GHR: variants seen among roughly 807,000 people sequenced by gnomAD.
The protein encoded by GHR is growth hormone receptor, also known as GH receptor.
In GHR, 35 loss-of-function variants were observed where a neutral mutation model predicts 67.1. The ratio of observed to expected loss-of-function variants is 0.52; its 90% CI spans 0.40 to 0.69. GHR has a LOEUF of 0.69. Ranked by LOEUF, GHR falls within the 30% of genes least tolerant of loss-of-function variation. GHR has a pLI of 0.00. For missense variants in GHR, 792 were observed against 764.6 expected (o/e 1.04, Z -0.42); for synonymous variants, 272 against 269.1 (o/e 1.01, Z -0.10).
intron 1 of GHR, among the ~76,000 whole-genome samples, chr5:42,540,279 A>G (rs1246437188): frequency 6.6e-6 from 1 of 150,922 alleles, no homozygotes; most frequent in Non-Finnish European, 1.5e-5. Context: ...ATTTTGGTAA[A>G]TTTGCTTTTT....
chr5:42,696,372 T>C (rs1757673746), intron 5 of GHR, among the ~76,000 whole-genome samples: 1 of 152,218 alleles, frequency 6.6e-6, no homozygotes, highest in Non-Finnish European at 1.5e-5. Context: ...CGTGAATGAC[T>C]GACAGGCCTG....
At chr5:42,475,952 T>G (rs1579774367) in intron 1 of GHR, among the ~76,000 whole-genome samples, 1 of 148,308 alleles carries the variant, frequency 6.7e-6, no homozygotes, top group Admixed American at 6.8e-5. Flanking sequence ...GTCACCAGGC[T>G]GGAGTGCAGT....
At chr5:42,557,486 C>G (rs1014787139) in intron 1 of GHR, among the ~76,000 whole-genome samples, 1 of 152,150 alleles carries the variant, frequency 6.6e-6, no homozygotes, top group Non-Finnish European at 1.5e-5. Flanking sequence ...AGTGTAATAA[C>G]TAACCCTTTT....
At chr5:42,426,122 CAG>C (rs1352856118) in intron 1 of GHR, among the ~76,000 whole-genome samples, 2 of 152,186 alleles carry the variant, frequency 1.3e-5, no homozygotes, top group Non-Finnish European at 2.9e-5. Context: ...CCTGCTTAAA[CAG>C]ATGTTTACAG....
At chr5:42,600,088 G>A (rs1752293044) in intron 2 of GHR, among the ~76,000 whole-genome samples, 1 of 152,206 alleles carries the variant, frequency 6.6e-6, no homozygotes, top group African/African-American at 2.4e-5. Flanking sequence ...ATGGAAAGGT[G>A]CAGAAAGTTC....
chr5:42,464,055 C>CA (rs71608649), intron 1 of GHR, among the ~76,000 whole-genome samples: 27,099 of 123,750 alleles, frequency 0.22, 3,078 homozygotes, highest in African/African-American at 0.28. Flanking sequence ...TTGATATTAC[C>CA]AAAAAAAAAA....
intron 1 of GHR, among the ~76,000 whole-genome samples, chr5:42,482,419 T>G (rs2940937): frequency 0.47 from 70,916 of 151,992 alleles, 17,091 homozygotes; most frequent in Middle Eastern, 0.53. Flanking sequence ...GTCAGACAGG[T>G]ACATTTAAGT....
intron 1 of GHR, among the ~76,000 whole-genome samples, chr5:42,495,399 GT>G (rs1168436304): frequency 6.6e-6 from 1 of 151,926 alleles, no homozygotes; most frequent in Non-Finnish European, 1.5e-5. Flanking sequence ...TTCATTAGCT[GT>G]TTTTTTCCAC....
At chr5:42,637,111 T>A (rs879750248) in intron 3 of GHR, among the ~76,000 whole-genome samples, 1 of 152,192 alleles carries the variant, frequency 6.6e-6, no homozygotes, top group Non-Finnish European at 1.5e-5. Context: ...CAGATGCTTG[T>A]TTTTGTAAAT....
chr5:42,602,525 G>A (rs944886941), intron 2 of GHR, among the ~76,000 whole-genome samples: 3 of 152,062 alleles, frequency 2.0e-5, no homozygotes, highest in Admixed American at 6.6e-5. Flanking sequence ...AGTAATTATT[G>A]ATAGGGACAG....
chr5:42,424,629 C>A lies in GHR; in HGVS notation c.-12+674C>A. The A allele has an allele frequency of 6.5e-7, 1 of 1,529,170 alleles. No individual in the cohort carries two copies. The highest frequency in any genetic ancestry group is 8.8e-7 in the Non-Finnish European group (1 of 1,141,050). The allele number at this position is 1,529,170 out of a possible 1,614,324, so 94.7% of individuals were successfully genotyped here. On this transcript the variant is annotated intron_variant, in intron 1 of 9. Transcript: ENST00000230882. This position sits in a 1 kb window ranked among gnomAD's most constrained non-coding sequence, Gnocchi z 4.1. Reference sequence around the variant, plus strand: ...TGGAAATTGTGGCGAGCCGACCTCCCCCAGCTTTTGACACACTAGTGGTTG... The same window carrying A: ...TGGAAATTGTGGCGAGCCGACCTCCACCAGCTTTTGACACACTAGTGGTTG...
In GHR at chr5:42,699,914, C is replaced by A; in HGVS notation, c.530C>A (p.Ala177Glu). The change falls in exon 6 of 10, where the codon GCA becomes GAA. Residue 177 changes from alanine to glutamate, a missense_variant. By Grantham distance (107) the Ala-to-Glu change is moderately radical. Coordinates refer to ENST00000230882, the MANE Select transcript of GHR (RefSeq NM_000163.5). ...IHADIQVRWE[A>E]PRNADIQKGW... is the part of the protein sequence containing the mutation. ...GCAGATATCCAAGTGAGATGGGAAG[C>A]ACCACGCAATGCAGATATTCAGAAA... The A allele has an allele frequency of 6.3e-7, 1 of 1,596,046 alleles. No homozygotes were observed. Among genetic ancestry groups the A allele is most frequent in the Non-Finnish European group, 8.6e-7 (1 of 1,163,558 alleles).
intron 1 of GHR, among the ~76,000 whole-genome samples, chr5:42,435,875 T>G (rs1429182220): frequency 6.6e-6 from 1 of 152,252 alleles, no homozygotes; most frequent in Non-Finnish European, 1.5e-5. Context: ...GAAAATACAA[T>G]GATGTTGAAT....
chr5:42,509,727 CTT>C (rs78991290), intron 1 of GHR, among the ~76,000 whole-genome samples: 229 of 140,758 alleles, frequency 1.6e-3, no homozygotes, highest in African/African-American at 4.6e-3. Flanking sequence ...GGCCTCAAAC[CTT>C]TTTTTTTTTT....
At chr5:42,643,745 C>G (rs566497292) in intron 3 of GHR, among the ~76,000 whole-genome samples, 1 of 151,652 alleles carries the variant, frequency 6.6e-6, no homozygotes, top group Non-Finnish European at 1.5e-5. Flanking sequence ...TGAAAACAGC[C>G]CAGAATATCT....
At chr5:42,666,757 A>G (rs1756003880) in intron 3 of GHR, among the ~76,000 whole-genome samples, 1 of 152,148 alleles carries the variant, frequency 6.6e-6, no homozygotes, top group African/African-American at 2.4e-5. Flanking sequence ...TTCAGTTCAC[A>G]CCTACTGAAT....
At chr5:42,591,684 G>A (rs1251084309) in intron 2 of GHR, among the ~76,000 whole-genome samples, 1 of 151,988 alleles carries the variant, frequency 6.6e-6, no homozygotes, top group Non-Finnish European at 1.5e-5. Flanking sequence ...CTCAGCACTT[G>A]TCCACTGTCC....
In GHR at chr5:42,711,307, A is replaced by G. The variant is rs1399460690; in HGVS notation, c.719A>G (p.Tyr240Cys). 6.2e-7 allele frequency: 1 copy of G among 1,613,168 alleles called. No individual in the cohort carries two copies. Among genetic ancestry groups the G allele is most frequent in the Non-Finnish European group, 8.5e-7 (1 of 1,179,210 alleles). ...TCCAAACAACGAAACTCTGGAAATT[A>G]TGGCGAGTTCAGTGAGGTGCTCTAT... The part of the protein sequence containing the change: ...VRSKQRNSGN[Y>C]GEFSEVLYVT... Residue 240 changes from tyrosine to cysteine, a missense_variant, in exon 7 of 10, where the codon TAT becomes TGT. Coordinates refer to ENST00000230882, the MANE Select transcript of GHR (RefSeq NM_000163.5).
At chr5:42,462,230 C>A (rs535805550) in intron 1 of GHR, among the ~76,000 whole-genome samples, 5 of 152,310 alleles carry the variant, frequency 3.3e-5, no homozygotes, top group Non-Finnish European at 5.9e-5. Context: ...TCTTGTCCAT[C>A]TGATACAGGT....
Sources: allele counts gnomAD v4.1 joint callset (sites outside exome capture counted in the v4.1 genomes callset), GRCh38; gene constraint gnomAD v4.1.1; non-coding constraint Gnocchi (gnomAD v3.1); transcripts MANE v1.5; gene names NCBI Gene and HGNC (gene_info 2026-07-23, HGNC 2026-07-21).